The following PLXDC2 variants were observed in gnomAD, a reference collection of about 807,000 sequenced individuals.
The protein encoded by PLXDC2 is plexin domain-containing protein 2.
A neutral mutation model predicts 68.9 loss-of-function variants in PLXDC2; 40 were observed. The observed-to-expected ratio is 0.58, with a 90% CI of 0.45 to 0.76. The LOEUF is 0.76. Among genes scored for constraint, PLXDC2 ranks in the 30% least tolerant of loss-of-function variants. PLXDC2 has a pLI of 0.00. For missense variants in PLXDC2, 644 were observed against 661.9 expected (o/e 0.97, Z 0.30); for synonymous variants, 243 against 234.2 (o/e 1.04, Z -0.34).
chr10:19,819,026 ATG>A (rs1836411440), intron 1 of PLXDC2, among the ~76,000 whole-genome samples: 1 of 120,022 alleles, frequency 8.3e-6, no homozygotes, highest in African/African-American at 3.4e-5. Context: ...AAAAGAATAT[ATG>A]TATACACACA....
chr10:19,967,765 A>C (rs76442722), intron 1 of PLXDC2, among the ~76,000 whole-genome samples: 1,959 of 152,312 alleles, frequency 0.013, 16 homozygotes, highest in Non-Finnish European at 0.021. Flanking sequence ...ACAGTAAAAA[A>C]TCAGATCATC....
At chr10:19,869,217 A>C (rs1837484977) in intron 1 of PLXDC2, among the ~76,000 whole-genome samples, 1 of 152,010 alleles carries the variant, frequency 6.6e-6, no homozygotes, top group African/African-American at 2.4e-5. Context: ...GGCCACATGG[A>C]GAAACCTCGT....
chr10:20,137,200 G>A lies in PLXDC2; in HGVS notation c.542-6095G>A, dbSNP rs141697740. Reference sequence around the variant, plus strand: ...CTTGTAAATACTTCATAGAAAAGGCGTCAAGGGATAAAAATTTGAACAAAT... The same window carrying A: ...CTTGTAAATACTTCATAGAAAAGGCATCAAGGGATAAAAATTTGAACAAAT... On this transcript the variant is annotated intron_variant, in intron 4 of 13. Coordinates refer to ENST00000377252, the MANE Select transcript of PLXDC2 (RefSeq NM_032812.9). 1.9e-4 allele frequency among the ~76,000 whole-genome samples: 29 copies of A among 152,256 alleles called. No individual in the cohort carries two copies. The South Asian group carries it at 3.1e-3, about 16-fold the overall frequency.
At chr10:20,251,224 G>A (rs1835671159) in intron 13 of PLXDC2, among the ~76,000 whole-genome samples, 1 of 152,036 alleles carries the variant, frequency 6.6e-6, no homozygotes, top group South Asian at 2.1e-4. Flanking sequence ...CAACTGACTG[G>A]CTTGCATTTC....
At chr10:19,977,741 G>A (rs908098034) in intron 1 of PLXDC2, among the ~76,000 whole-genome samples, 2 of 152,050 alleles carry the variant, frequency 1.3e-5, no homozygotes, top group South Asian at 4.1e-4. Context: ...ATGGCAGAGG[G>A]GGTGGGGTGG....
chr10:20,083,474 C>CT (rs1670300763), intron 4 of PLXDC2, among the ~76,000 whole-genome samples: 1 of 68,012 alleles, frequency 1.5e-5, no homozygotes, highest in Admixed American at 1.6e-4. Context: ...GAGACTCCGT[C>CT]TCAAAAAAAA....
At chr10:19,887,736 G>C (rs1837875635) in intron 1 of PLXDC2, among the ~76,000 whole-genome samples, 1 of 152,184 alleles carries the variant, frequency 6.6e-6, no homozygotes, top group African/African-American at 2.4e-5. Flanking sequence ...AATATCGATA[G>C]TGGCATAGAC....
chr10:19,954,173 A>G (rs1834032672), intron 1 of PLXDC2, among the ~76,000 whole-genome samples: 1 of 152,184 alleles, frequency 6.6e-6, no homozygotes, highest in Non-Finnish European at 1.5e-5. Context: ...TTTTAAAGCA[A>G]TTTCTTTGTA....
intron 11 of PLXDC2, among the ~76,000 whole-genome samples, chr10:20,217,855 A>G (rs1366002279): frequency 7.9e-5 from 12 of 152,030 alleles, no homozygotes; most frequent in Non-Finnish European, 1.5e-4. Context: ...TCTCCTTCCT[A>G]GAAAAGAAAT....
chr10:19,846,659 C>G (rs145969961), intron 1 of PLXDC2, among the ~76,000 whole-genome samples: 3 of 152,226 alleles, frequency 2.0e-5, no homozygotes, highest in African/African-American at 7.2e-5. Flanking sequence ...ATCAGTAACT[C>G]CTTTGGGAGC....
At chr10:19,951,297 C>A (rs1350379612) in intron 1 of PLXDC2, among the ~76,000 whole-genome samples, 3 of 152,022 alleles carry the variant, frequency 2.0e-5, no homozygotes, top group South Asian at 2.1e-4. Flanking sequence ...ATTCAACAAA[C>A]AAAGCAACCC....
chr10:20,069,130 A>G (rs1836273197), intron 4 of PLXDC2, among the ~76,000 whole-genome samples: 1 of 152,174 alleles, frequency 6.6e-6, no homozygotes, highest in South Asian at 2.1e-4. Flanking sequence ...GGTCTTCTGG[A>G]TGGTGTGGAG....
chr10:19,843,113 C>T (rs945359711), intron 1 of PLXDC2, among the ~76,000 whole-genome samples: 2 of 147,612 alleles, frequency 1.4e-5, no homozygotes, highest in South Asian at 4.2e-4. Flanking sequence ...AACGATCTGC[C>T]ACTGTATCTA....
chr10:19,927,917 C>A (rs955435178), intron 1 of PLXDC2, among the ~76,000 whole-genome samples: 3 of 151,752 alleles, frequency 2.0e-5, no homozygotes, highest in African/African-American at 7.3e-5. Context: ...GTAAATTGTA[C>A]CCAATAGGTA....
At chr10:19,817,293 C>T (rs1836370991) in intron 1 of PLXDC2, 102 bp downstream of exon 1, 2 of 942,442 alleles carry the variant, frequency 2.1e-6, no homozygotes, top group African/African-American at 3.3e-5. Context: ...ACCTATCTGC[C>T]CTTGGGAAAC....
chr10:20,087,699 C>T lies in PLXDC2; in HGVS notation c.541+19460C>T, dbSNP rs140259952. ...TAGCAATGAAAAAGCAATTTCTTAACCTAATGAAGTAGTTAATTTAAAACC... is the reference window on the plus strand; with the variant it reads ...TAGCAATGAAAAAGCAATTTCTTAATCTAATGAAGTAGTTAATTTAAAACC... On this transcript the variant is annotated intron_variant, in intron 4 of 13. Coordinates refer to ENST00000377252, the MANE Select transcript of PLXDC2 (RefSeq NM_032812.9). 2.0e-3 allele frequency among the ~76,000 whole-genome samples: 312 copies of T among 152,292 alleles called. 2 individuals are homozygous for T. The highest frequency in any genetic ancestry group is 0.014 in the East Asian group (71 of 5,178).
intron 1 of PLXDC2, among the ~76,000 whole-genome samples, chr10:19,833,848 C>A (rs1037547713): frequency 6.6e-6 from 1 of 151,608 alleles, no homozygotes; most frequent in African/African-American, 2.4e-5. Flanking sequence ...TCTAAGATTG[C>A]ATCAATGAAT....
At chr10:19,923,819 T>C (rs1171742046) in intron 1 of PLXDC2, among the ~76,000 whole-genome samples, 1 of 152,210 alleles carries the variant, frequency 6.6e-6, no homozygotes, top group Non-Finnish European at 1.5e-5. Flanking sequence ...ATCCCAGCAC[T>C]TTGGGAGGCC....
chr10:19,829,807 A>G (rs1180854180), intron 1 of PLXDC2, among the ~76,000 whole-genome samples: 2 of 152,210 alleles, frequency 1.3e-5, no homozygotes, highest in East Asian at 1.9e-4. Context: ...ATAATTTGTC[A>G]TATATATTTG....
Sources: allele counts gnomAD v4.1 joint callset (sites outside exome capture counted in the v4.1 genomes callset), GRCh38; gene constraint gnomAD v4.1.1; transcripts MANE v1.5; gene names NCBI Gene and HGNC (gene_info 2026-07-23, HGNC 2026-07-21).